The following PTGR1 variants were observed in gnomAD, a reference collection of about 807,000 sequenced individuals.
PTGR1 encodes the protein prostaglandin reductase 1.
PTGR1 carries 23 observed loss-of-function variants against 37.7 expected under a neutral mutation model. The ratio of observed to expected loss-of-function variants is 0.61; its 90% CI spans 0.44 to 0.86. The LOEUF is 0.86. Among genes scored for constraint, PTGR1 ranks in the 40% least tolerant of loss-of-function variants. The probability of loss-of-function intolerance (pLI) is 0.00; values close to 1 mark genes in which losing one functional copy is unlikely to be tolerated. For synonymous variants in PTGR1, 134 were observed against 140.0 expected, an observed-to-expected ratio of 0.96 and a Z score of 0.30; for missense variants, 351 against 394.3, an observed-to-expected ratio of 0.89 and a Z score of 0.93.
rs202014746 is a variant in PTGR1 at position 111,591,374 on chromosome 9, T to TC, written c.209+1551_209+1552insG. 1.2e-4 allele frequency among the ~76,000 whole-genome samples: 17 copies of TC among 144,256 alleles called. 1 individual carries two copies. Among genetic ancestry groups the TC allele is most frequent in the East Asian group, 3.9e-4 (2 of 5,086 alleles). 94.6% of individuals were successfully genotyped at this position (144,256 alleles called of 152,430 possible). On this transcript the variant is annotated intron_variant, in intron 4 of 9. Coordinates refer to ENST00000407693, the MANE Select transcript of PTGR1 (RefSeq NM_001146108.2). The stretch of plus-strand genomic sequence containing the variant: ...CACTGGACAATTTTTCTTTTTCTTT[T>TC]TTTTTTTTTTTTTTTGAGATGGAGT...
intron 1 of PTGR1, among the ~76,000 whole-genome samples, chr9:111,598,223 A>G (rs1418390502): frequency 6.6e-6 from 1 of 152,208 alleles, no homozygotes. Context: ...AAGCAAGGGA[A>G]GATGATGAAG....
At chr9:111,564,191 T>G in intron 9 of PTGR1, 1 of 1,045,602 alleles carries the variant, frequency 9.6e-7, no homozygotes. Context: ...ATTCCAGTGA[T>G]GGCTTAGCAC....
rs544546154 is a variant in PTGR1 at position 111,591,082 on chromosome 9, G to A, written c.209+1844C>T. On this transcript the variant is annotated intron_variant, in intron 4 of 9. Transcript: ENST00000407693. ...CAAGGCGGGCGGATCACCTGAGGTC[G>A]GGAGTTCGAGACTAGCCCAACCAAC... 3.5e-4 allele frequency among the ~76,000 whole-genome samples: 53 copies of A among 151,970 alleles called. No homozygotes were observed. In the South Asian group the frequency reaches 0.011, roughly 30 times the overall value.
chr9:111,560,972 TATAGAGAGAGAG>T (rs1262416250), downstream of PTGR1, among the ~76,000 whole-genome samples: 10 of 21,320 alleles, frequency 4.7e-4, no homozygotes, highest in Non-Finnish European at 6.8e-4. Context: ...TATATATATA[TATAGAGAGAGAG>T]AGAGAGAGAG....
intron 8 of PTGR1, among the ~76,000 whole-genome samples, chr9:111,573,168 T>C (rs1828903214): frequency 6.6e-6 from 1 of 152,200 alleles, no homozygotes; most frequent in South Asian, 2.1e-4. Flanking sequence ...TCCAAAATAT[T>C]TGGCTATTCC....
At position 111,595,933 on chromosome 9, in the gene PTGR1, G is replaced by A. The variant is rs79198072; in HGVS notation, c.106+1384C>T. 2.7e-3 allele frequency among the ~76,000 whole-genome samples: 411 copies of A among 152,116 alleles called. 1 individual carries two copies. The highest frequency in any genetic ancestry group is 9.0e-3 in the African/African-American group (373 of 41,508). ...CAGGTGTGAGCCGCCACACCCAGCC[G>A]AGACTCATCTTATAGTCTGAACTCT... On this transcript the variant is annotated intron_variant, in intron 2 of 9. Transcript: ENST00000407693.
chr9:111,588,722 C>T (rs572325839), intron 4 of PTGR1, among the ~76,000 whole-genome samples: 3 of 151,966 alleles, frequency 2.0e-5, no homozygotes, highest in African/African-American at 4.8e-5. Context: ...GACGAGGTTT[C>T]ACCATGTTGC....
At chr9:111,588,170 C>T (rs1805133381) in intron 4 of PTGR1, among the ~76,000 whole-genome samples, 1 of 150,564 alleles carries the variant, frequency 6.6e-6, no homozygotes. Context: ...GCTGGGACCA[C>T]AGTAGCACAC....
downstream of PTGR1, among the ~76,000 whole-genome samples, chr9:111,558,069 C>G (rs930062052): frequency 6.6e-6 from 1 of 152,062 alleles, no homozygotes; most frequent in African/African-American, 2.4e-5. Flanking sequence ...ATTGCTTGAA[C>G]CCGGGAGGCG....
intron 9 of PTGR1, among the ~76,000 whole-genome samples, chr9:111,569,206 C>A (rs1217647091): frequency 6.6e-6 from 1 of 152,024 alleles, no homozygotes; most frequent in Non-Finnish European, 1.5e-5. Context: ...CATACTGAGC[C>A]CAGACGAGCT....
At chr9:111,585,111 T>C (rs963814853) in intron 5 of PTGR1, among the ~76,000 whole-genome samples, 9 of 152,226 alleles carry the variant, frequency 5.9e-5, no homozygotes, top group African/African-American at 1.7e-4. Flanking sequence ...CTGACTATAT[T>C]TGGGGCCCAT....
chr9:111,596,916 G>A (rs1829797818), intron 2 of PTGR1, among the ~76,000 whole-genome samples: 1 of 101,766 alleles, frequency 9.8e-6, no homozygotes, highest in South Asian at 3.7e-4. Flanking sequence ...AACAGAGCAA[G>A]ACTCTGTCTC....
chr9:111,551,242 A>C (rs575330775), intron 9 of PTGR1, among the ~76,000 whole-genome samples: 1 of 151,962 alleles, frequency 6.6e-6, no homozygotes, highest in South Asian at 2.1e-4. Flanking sequence ...GTAATGTGTT[A>C]ATCTACACAC....
At chr9:111,585,890 G>T in intron 5 of PTGR1, 108 bp downstream of exon 5, 2 of 1,283,742 alleles carry the variant, frequency 1.6e-6, no homozygotes, top group Non-Finnish European at 2.2e-6. Flanking sequence ...CAGCCCCTGA[G>T]CCTATCATGC....
intron 3 of PTGR1, 36 bp from the exon 4 acceptor site, chr9:111,593,018 T>C: frequency 1.2e-6 from 1 of 839,250 alleles, no homozygotes; most frequent in African/African-American, 3.8e-5. Flanking sequence ...AAAAAAAAAA[T>C]AGGTAAATAA....
chr9:111,569,462 AG>A (rs1276833132), intron 9 of PTGR1, among the ~76,000 whole-genome samples: 1 of 152,180 alleles, frequency 6.6e-6, no homozygotes, highest in Non-Finnish European at 1.5e-5. Flanking sequence ...TCACTATGTA[AG>A]GGTCCCCTGT....
rs1829418795 is a variant in PTGR1, at chr9:111,586,038, T to C, written c.337A>G (p.Ile113Val). 6.2e-7 allele frequency: 1 copy of C among 1,614,088 alleles called. No individual in the cohort carries two copies. The highest frequency in any genetic ancestry group is 8.5e-7 in the Non-Finnish European group (1 of 1,180,038). ...EKLLTEWPDT[I>V]PLSLALGTVG... is the part of the protein sequence containing the mutation. ...GTCCCCAGAGCCAAAGACAGTGGTA[T>C]TGTGTCTGGCCACTCTGTCAGCAGC... Residue 113 changes from isoleucine to valine, a missense_variant, in exon 5 of 10, where the codon ATA becomes GTA. Coordinates refer to ENST00000407693, the MANE Select transcript of PTGR1 (RefSeq NM_001146108.2).
At chr9:111,594,885 T>C (rs1423058550) in intron 2 of PTGR1, among the ~76,000 whole-genome samples, 49 of 126,174 alleles carry the variant, frequency 3.9e-4, no homozygotes, top group East Asian at 1.5e-3. Flanking sequence ...GACCTAGTCT[T>C]GTTCTGTTGC....
chr9:111,563,349 G>T, intron 9 of PTGR1, 118 bp from the exon 10 acceptor site: 2 of 1,024,008 alleles, frequency 2.0e-6, no homozygotes, highest in Non-Finnish European at 2.8e-6. Flanking sequence ...AATAAGAGAT[G>T]GAAGTCCTGT....
Sources: gnomAD v4.1 joint callset for allele counts (sites outside exome capture counted in the v4.1 genomes callset) on GRCh38, gnomAD v4.1.1 for gene constraint, MANE v1.5 for transcripts, NCBI Gene and HGNC (gene_info 2026-07-23, HGNC 2026-07-21) for gene names.